Variants in ZMYM5 observed in about 807,000 individuals in gnomAD.
ZMYM5 encodes the protein zinc finger MYM-type containing 5.
ZMYM5 carries 41 observed loss-of-function variants against 61.8 expected under a neutral mutation model. The observed-to-expected ratio is 0.66, with a 90% CI of 0.52 to 0.86. The LOEUF (loss-of-function observed/expected upper bound fraction) is 0.86. Among genes scored for constraint, ZMYM5 ranks in the 40% least tolerant of loss-of-function variants. The probability of loss-of-function intolerance (pLI) is 0.00; values close to 1 mark genes in which losing one functional copy is unlikely to be tolerated. For missense variants in ZMYM5, 706 were observed against 786.7 expected, an observed-to-expected ratio of 0.90 and a Z score of 1.23; for synonymous variants, 257 against 276.4, an observed-to-expected ratio of 0.93 and a Z score of 0.70.
At chr13:19,835,826 A>AC (rs1555259397) in intron 6 of ZMYM5, 137 bp from the exon 7 acceptor site, 1 of 455,638 alleles carries the variant, frequency 2.2e-6, no homozygotes, top group Non-Finnish European at 3.4e-6. Context: ...CAGGGAAAAG[A>AC]TTTTTTTTTT....
intron 7 of ZMYM5, among the ~76,000 whole-genome samples, chr13:19,826,355 AAAC>A: frequency 6.6e-6 from 1 of 152,038 alleles, no homozygotes; most frequent in African/African-American, 2.4e-5. Flanking sequence ...CCGTCTCAAA[AAAC>A]AAAAAACAAA....
chr13:19,837,889 A>C, intron 5 of ZMYM5, 68 bp from the exon 6 acceptor site: 1 of 1,468,784 alleles, frequency 6.8e-7, no homozygotes, highest in Non-Finnish European at 9.1e-7. Flanking sequence ...ATATATTAAT[A>C]ATAATTGCCA....
At chr13:19,832,427 A>T (rs1410368641) in intron 7 of ZMYM5, among the ~76,000 whole-genome samples, 4 of 151,814 alleles carry the variant, frequency 2.6e-5, no homozygotes, top group Non-Finnish European at 5.9e-5. Flanking sequence ...CCCAGGTTCA[A>T]GTGATTCTCT....
rs758649803 is a variant in ZMYM5, at chr13:19,852,135, G to C, written c.46C>G (p.Pro16Ala). The C allele has an allele frequency of 6.2e-7, 1 of 1,612,278 alleles. No homozygotes were observed. The highest frequency in any genetic ancestry group is 8.5e-7 in the Non-Finnish European group (1 of 1,179,912). ...ATGGCCATATTCCCTAATAAAGCAG[G>C]AGTCTGTTCAGTCAACTCTAATCCT... is the stretch of plus-strand genomic sequence containing the variant. ...VGGLELTEQT[P>A]ALLGNMAMAT... Residue 16 changes from proline to alanine, a missense_variant, in exon 3 of 8, where the codon CCT becomes GCT. This residue lies in a region of ZMYM5 where 480 missense variants were observed against 461.7 expected (regional missense o/e 1.04). Transcript: ENST00000337963.
intron 2 of ZMYM5, among the ~76,000 whole-genome samples, chr13:19,854,143 G>A (rs933406735): frequency 6.6e-6 from 1 of 152,100 alleles, no homozygotes; most frequent in Non-Finnish European, 1.5e-5. Flanking sequence ...CCAAGTAGCT[G>A]GGAGTACAGG....
At chr13:19,842,821 A>G (rs1338521613) in intron 4 of ZMYM5, among the ~76,000 whole-genome samples, 1 of 151,782 alleles carries the variant, frequency 6.6e-6, no homozygotes, top group Non-Finnish European at 1.5e-5. Context: ...TTAGCTGGGC[A>G]TGGTGGCAGG....
At chr13:19,853,659 T>C (rs2138628272) in intron 2 of ZMYM5, among the ~76,000 whole-genome samples, 1 of 151,460 alleles carries the variant, frequency 6.6e-6, no homozygotes, top group Admixed American at 6.6e-5. Context: ...TCAGGTACAG[T>C]GGCGCCATTT....
chr13:19,838,551 T>G, intron 5 of ZMYM5, 149 bp downstream of exon 5: 2 of 993,834 alleles, frequency 2.0e-6, no homozygotes, highest in Admixed American at 5.6e-5. Flanking sequence ...ACAGCTTGGA[T>G]ATATTCTAGG....
At chr13:19,848,553 G>C (rs1953168813) in intron 4 of ZMYM5, among the ~76,000 whole-genome samples, 1 of 147,908 alleles carries the variant, frequency 6.8e-6, no homozygotes, top group Non-Finnish European at 1.5e-5. Flanking sequence ...GTTTTTTTTT[G>C]AGACAAGTCT....
At chr13:19,836,693 T>C (rs1952684918) in intron 6 of ZMYM5, among the ~76,000 whole-genome samples, 1 of 152,182 alleles carries the variant, frequency 6.6e-6, no homozygotes, top group African/African-American at 2.4e-5. Context: ...CAATATTATC[T>C]GTATTCAGGA....
At chr13:19,842,959 TC>T (rs1197459483) in intron 4 of ZMYM5, among the ~76,000 whole-genome samples, 1 of 19,356 alleles carries the variant, frequency 5.2e-5, no homozygotes, top group African/African-American at 1.8e-4. Context: ...AAACTCCATC[TC>T]AAAAAAAAAA....
intron 7 of ZMYM5, among the ~76,000 whole-genome samples, chr13:19,825,847 C>T (rs976324405): frequency 2.0e-5 from 3 of 151,814 alleles, no homozygotes; most frequent in African/African-American, 4.8e-5. Flanking sequence ...TTGAAACCAG[C>T]GTGGCAAATA....
chr13:19,827,658 T>C (rs551888265), intron 7 of ZMYM5, among the ~76,000 whole-genome samples: 1 of 152,276 alleles, frequency 6.6e-6, no homozygotes, highest in South Asian at 2.1e-4. Flanking sequence ...CTGAAATATG[T>C]TGTAATAAAG....
intron 2 of ZMYM5, among the ~76,000 whole-genome samples, chr13:19,859,469 C>A (rs1461293054): frequency 3.3e-5 from 5 of 152,098 alleles, no homozygotes; most frequent in Non-Finnish European, 7.3e-5. Context: ...GTGGCGCGAT[C>A]TTGGCTCACT....
At chr13:19,841,772 A>G (rs1401733406) in intron 4 of ZMYM5, 1 of 152,192 alleles carries the variant, frequency 6.6e-6, no homozygotes, top group African/African-American at 2.4e-5. Flanking sequence ...GTACCCTAAA[A>G]GTTAAAGAAA....
intron 4 of ZMYM5, among the ~76,000 whole-genome samples, chr13:19,849,840 G>C (rs1255147929): frequency 6.6e-6 from 1 of 151,964 alleles, no homozygotes; most frequent in Non-Finnish European, 1.5e-5. Flanking sequence ...AATTAGCTAG[G>C]CGTGATGGCA....
chr13:19,863,038 C>T (rs1314369089), intron 1 of ZMYM5, among the ~76,000 whole-genome samples: 1 of 152,258 alleles, frequency 6.6e-6, no homozygotes, highest in Non-Finnish European at 1.5e-5. Context: ...GCCCGAAAAA[C>T]CTGGGGACCT....
chr13:19,846,577 G>A (rs1953080582), intron 4 of ZMYM5, among the ~76,000 whole-genome samples: 1 of 152,024 alleles, frequency 6.6e-6, no homozygotes, highest in African/African-American at 2.4e-5. Context: ...ATTTTTGGAA[G>A]CCTGTATCCA....
chr13:19,825,317 G>A, intron 7 of ZMYM5, 82 bp from the exon 8 acceptor site: 1 of 1,117,950 alleles, frequency 8.9e-7, no homozygotes, highest in Non-Finnish European at 1.1e-6. Context: ...ATAAGCACAT[G>A]CTCATCATTA....
Sources: gnomAD v4.1 joint callset for allele counts (sites outside exome capture counted in the v4.1 genomes callset) on GRCh38, gnomAD v4.1.1 for gene constraint, gnomAD v4.1.1 regional missense constraint, MANE v1.5 for transcripts, NCBI Gene and HGNC (gene_info 2026-07-23, HGNC 2026-07-21) for gene names.